ADAD2: variants seen among roughly 807,000 people sequenced by gnomAD.
ADAD2 encodes the protein adenosine deaminase domain containing 2, also known as adenosine deaminase domain-containing protein 2.
In ADAD2, 60 loss-of-function variants were observed where a neutral mutation model predicts 54.5. The observed-to-expected ratio is 1.10, with a 90% confidence interval of 0.89 to 1.36. The LOEUF (loss-of-function observed/expected upper bound fraction) is 1.36, where lower values mean the gene tolerates loss of function less well. Among genes scored for constraint, ADAD2 ranks in the 40% most tolerant of loss-of-function variants. The probability of loss-of-function intolerance (pLI) is 0.00; values close to 1 mark genes in which losing one functional copy is unlikely to be tolerated. For synonymous variants in ADAD2, 543 were observed against 366.2 expected (o/e 1.48, Z -5.51); for missense variants, 1,103 against 801.3 (o/e 1.38, Z -4.54).
chr16:84,193,716 T>G (rs956810715), intron 1 of ADAD2: 6 of 318,586 alleles, frequency 1.9e-5, no homozygotes, highest in Non-Finnish European at 2.9e-5. Flanking sequence ...CAGTCGCTGT[T>G]AGGATGGCAG....
Position 84,195,091 on chromosome 16 carries a change from G to C in ADAD2, c.630G>C (p.Gln210His). 2 of 1,613,686 alleles carry C rather than the reference G, an allele frequency of 1.2e-6. No homozygotes were observed. The highest frequency in any genetic ancestry group is 1.7e-6 in the Non-Finnish European group (2 of 1,179,968). The stretch of plus-strand genomic sequence containing the variant: ...CAGAGAACATCCTGACCCATGAGCA[G>C]CGCTGCGCAGCGTTGGTGAGCGCCG... ...LSVENILTHE[Q>H]RCAALVSAGF... is the part of the protein sequence containing the mutation. Residue 210 changes from glutamine to histidine, a missense_variant, in exon 4 of 10, where the codon CAG becomes CAC. Physicochemically the swap from Gln to His is conservative, Grantham distance 24. Transcript: ENST00000315906.
chr16:84,196,481 C>T, intron 8 of ADAD2, 111 bp downstream of exon 8: 1 of 607,406 alleles, frequency 1.6e-6, no homozygotes, highest in South Asian at 2.0e-5. Context: ...CGCTCAACCC[C>T]TTCGCTCAAC....
rs1314954522 is a variant in ADAD2, at chr16:84,194,455, C to T, written c.432C>T (p.Pro144=). Reference sequence around the variant, plus strand: ...CTCCTTCCCCAGGTCCCTGCTTCCCCTTCTCGGTGAGCGCGGAACTGGATG... The same window carrying T: ...CTCCTTCCCCAGGTCCCTGCTTCCCTTTCTCGGTGAGCGCGGAACTGGATG... The part of the protein sequence containing the change: ...REDQPPGPCF[P]FSVSAELDGV... The change falls in exon 2 of 10, where the codon CCC becomes CCT. Residue 144 remains proline, a synonymous_variant. Coordinates refer to ENST00000315906, the MANE Select transcript of ADAD2 (RefSeq NM_001145400.2). 1.2e-6 allele frequency: 2 copies of T among 1,606,464 alleles called. No homozygotes were observed. The highest frequency in any genetic ancestry group is 1.7e-5 in the Admixed American group (1 of 59,912).
Position 84,194,673 on chromosome 16 carries a change from G to A in ADAD2, c.559+91G>A, listed in dbSNP as rs35446963. The A allele has an allele frequency of 0.32, 493,102 of 1,537,552 alleles. 80,642 individuals are homozygous for A. Among genetic ancestry groups the A allele is most frequent in the Admixed American group, 0.45 (22,858 of 51,064 alleles). On this transcript the variant is annotated intron_variant, in intron 2 of 9. Coordinates refer to ENST00000315906, the MANE Select transcript of ADAD2 (RefSeq NM_001145400.2). ...CGTGGGGAGGCGGAAGTGGCTGTGCGTGTGAGCAGGAGGTGGGTTGCTGTA... is the reference window on the plus strand; with the variant it reads ...CGTGGGGAGGCGGAAGTGGCTGTGCATGTGAGCAGGAGGTGGGTTGCTGTA...
rs2089741729 is a variant in ADAD2 at position 84,197,034 on chromosome 16, C to T, written c.*60C>T. 6.7e-7 allele frequency: 1 copy of T among 1,503,328 alleles called. No individual in the cohort carries two copies. The highest frequency in any genetic ancestry group is 1.4e-5 in the African/African-American group (1 of 72,138). The allele number at this position is 1,503,328 out of a possible 1,614,324, so 93.1% of individuals were successfully genotyped here. On this transcript the variant is annotated 3_prime_UTR_variant, in exon 10 of 10. Coordinates refer to ENST00000315906, the MANE Select transcript of ADAD2 (RefSeq NM_001145400.2). ...AGCTGTACCCCTGCTGGGGGAGTGC[C>T]CTATCTGAGGAGCGTTGTGGGGAGA...
In ADAD2 at chr16:84,191,270, C is replaced by T. The variant is rs760687704; in HGVS notation, c.40C>T (p.Arg14Cys). 14 of 1,598,358 alleles carry T rather than the reference C, an allele frequency of 8.8e-6. No homozygotes were observed. In the East Asian group the frequency reaches 9.0e-5, roughly 10 times the overall value. ...ASQGADDDGS[R>C]RKPRLAASLQ... ...TCAGGGCGCTGACGACGACGGCAGT[C>T]GTAGGAAGCCCCGCCTGGCTGCATC... is the stretch of plus-strand genomic sequence containing the variant. Residue 14 changes from arginine to cysteine, a missense_variant, in exon 1 of 10, where the codon CGT becomes TGT. Transcript: ENST00000315906.
chr16:84,192,319 A>AT (rs961890614), intron 1 of ADAD2, among the ~76,000 whole-genome samples: 6 of 151,168 alleles, frequency 4.0e-5, no homozygotes, highest in South Asian at 2.1e-4. Flanking sequence ...TAATTTTTGT[A>AT]TTTTTTTTGT....
intron 1 of ADAD2, among the ~76,000 whole-genome samples, chr16:84,192,241 CT>C (rs2089665607): frequency 6.6e-6 from 1 of 152,140 alleles, no homozygotes; most frequent in African/African-American, 2.4e-5. Flanking sequence ...GCCTCCTGGG[CT>C]CAAGTGATAC....
Position 84,196,006 on chromosome 16 carries a change from A to G in ADAD2, c.1244A>G (p.His415Arg), listed in dbSNP as rs771484732. 16 of 1,598,712 alleles carry G rather than the reference A, an allele frequency of 1.0e-5. No homozygotes were observed. The highest frequency in any genetic ancestry group is 1.7e-4 in the Middle Eastern group (1 of 6,056). The change falls in exon 7 of 10, where the codon CAC becomes CGC. Residue 415 changes from histidine (H) to arginine (R), a missense_variant. Coordinates refer to ENST00000315906, the MANE Select transcript of ADAD2 (RefSeq NM_001145400.2). The stretch of plus-strand genomic sequence containing the variant: ...GGGCTGGGTGGTGCCCTGCTGGCCC[A>G]CCTGGTGTCCCCACTCTACAGCACC... ...VLGLGGALLA[H>R]LVSPLYSTSL...
chr16:84,196,127 C>G lies in ADAD2; in HGVS notation c.1283C>G (p.Ala428Gly), dbSNP rs1024643231. 7 of 1,602,164 alleles carry G rather than the reference C, an allele frequency of 4.4e-6. No individual in the cohort carries two copies. The highest frequency in any genetic ancestry group is 1.7e-4 in the Middle Eastern group (1 of 6,058). ...SPLYSTSLIL[A>G]DSCHDPPTLS... The stretch of plus-strand genomic sequence containing the variant: ...TTGTCCTGTCCCTTCTGCCCTGCAG[C>G]TGACTCATGCCACGACCCTCCGACT... The change falls in exon 8 of 10, where the codon GCT (alanine) becomes GGT (glycine). Residue 428 changes from alanine (A) to glycine (G), a missense_variant and splice_region_variant. Coordinates refer to ENST00000315906, the MANE Select transcript of ADAD2 (RefSeq NM_001145400.2).
chr16:84,196,186 G>C lies in ADAD2; in HGVS notation c.1342G>C (p.Asp448His), dbSNP rs138849519. Reference sequence around the variant, plus strand: ...GGCCATCCACACCCGGCCCTGCCTGGACAGTGTCCTGGGGCCATGCCTGCC... The same window carrying C: ...GGCCATCCACACCCGGCCCTGCCTGCACAGTGTCCTGGGGCCATGCCTGCC... Reference protein sequence around the residue: ...SRAIHTRPCLDSVLGPCLPPP... With the variant: ...SRAIHTRPCLHSVLGPCLPPP... The change falls in exon 8 of 10, where the codon GAC becomes CAC. Residue 448 changes from aspartate to histidine, a missense_variant. Asp to His is a moderately conservative substitution (Grantham distance 81). Transcript: ENST00000315906. The C allele has an allele frequency of 1.1e-5, 17 of 1,608,886 alleles. No homozygotes were observed. The African/African-American group carries it at 2.3e-4, about 21-fold the overall frequency.
At chr16:84,196,461 G>GCAACCCCTTCGCTCAACCCCTTCGCT in intron 8 of ADAD2, 91 bp downstream of exon 8, 4 of 1,439,012 alleles carry the variant, frequency 2.8e-6, no homozygotes, top group African/African-American at 2.7e-5. Context: ...TAATCCCAGC[G>GCAACCCCTTCGCTCAACCCCTTCGCT]CAACCCCTTC....
intron 1 of ADAD2, chr16:84,192,737 T>G (rs2151326101): frequency 6.6e-6 from 1 of 152,222 alleles, no homozygotes; most frequent in South Asian, 2.1e-4. Flanking sequence ...ACAGATGGGG[T>G]TTCACCATGT....
chr16:84,191,212 C>G lies in ADAD2; in HGVS notation c.-19C>G, dbSNP rs2089643982. ...CAGCGCGAGATAGGGCCTAGCGCCT[C>G]AGATCTTCGTTGGCGGCCATGGCTT... On this transcript the variant is annotated 5_prime_UTR_variant, in exon 1 of 10. Transcript: ENST00000315906. 6.2e-7 allele frequency: 1 copy of G among 1,604,934 alleles called. No individual in the cohort carries two copies. The highest frequency in any genetic ancestry group is 1.7e-5 in the Admixed American group (1 of 59,298).
At chr16:84,196,799 CCT>C in intron 9 of ADAD2, 32 bp downstream of exon 9, 1 of 1,600,652 alleles carries the variant, frequency 6.2e-7, no homozygotes, top group Non-Finnish European at 8.5e-7. Flanking sequence ...CGTCCCGGTC[CCT>C]CTCCAGCCCT....
rs753386921 is a variant in ADAD2 at position 84,194,425 on chromosome 16, C to T, written c.419-17C>T. ...CGAAGGCCAGGGGGCTGCTTCCTCA[C>T]CTGGCTCCTTCCCCAGGTCCCTGCT... is the stretch of plus-strand genomic sequence containing the variant. On this transcript the variant is annotated splice_polypyrimidine_tract_variant and intron_variant, in intron 1 of 9. Coordinates refer to ENST00000315906, the MANE Select transcript of ADAD2 (RefSeq NM_001145400.2). 1.1e-5 allele frequency: 17 copies of T among 1,599,338 alleles called. No individual in the cohort carries two copies. Among genetic ancestry groups the T allele is most frequent in the Non-Finnish European group, 1.4e-5 (16 of 1,177,564 alleles).
In ADAD2 at chr16:84,191,550, C is replaced by G. The variant is rs149894736; in HGVS notation, c.320C>G (p.Pro107Arg). 2.6e-6 allele frequency: 4 copies of G among 1,548,084 alleles called. No individual in the cohort carries two copies. Among genetic ancestry groups the G allele is most frequent in the East Asian group, 2.4e-5 (1 of 40,930 alleles). The change falls in exon 1 of 10, where the codon CCG becomes CGG. Residue 107 changes from proline (P) to arginine (R), a missense_variant. Coordinates refer to ENST00000315906, the MANE Select transcript of ADAD2 (RefSeq NM_001145400.2). ...VPVPPAGLSL[P>R]LKDPPASQAV... ...GTGCCCCCAGCAGGGCTCAGCCTGC[C>G]GCTCAAAGACCCACCTGCCAGCCAG...
intron 1 of ADAD2, chr16:84,194,013 G>A (rs1567612112): frequency 8.2e-6 from 13 of 1,583,168 alleles, no homozygotes; most frequent in South Asian, 2.3e-5. Flanking sequence ...TAGGAAAAGT[G>A]TTCAAATATA....
At chr16:84,194,064 G>A in intron 1 of ADAD2, 1 of 1,611,360 alleles carries the variant, frequency 6.2e-7, no homozygotes, top group Non-Finnish European at 8.5e-7. Flanking sequence ...TGTGTCTGTG[G>A]CAGGTGGAAG....
Sources: allele counts gnomAD v4.1 joint callset (sites outside exome capture counted in the v4.1 genomes callset), GRCh38; gene constraint gnomAD v4.1.1; transcripts MANE v1.5; gene names NCBI Gene and HGNC (gene_info 2026-07-23, HGNC 2026-07-21).